The following SETBP1 variants were observed in gnomAD, a reference collection of about 807,000 sequenced individuals.
SETBP1 encodes the protein SET-binding protein.
Under a neutral mutation model 101.0 loss-of-function variants are expected in SETBP1, and 9 were observed. That is an observed-to-expected ratio of 0.09 (90% CI 0.05 to 0.16). The LOEUF (loss-of-function observed/expected upper bound fraction) is 0.16. Among genes scored for constraint, SETBP1 ranks in the 10% least tolerant of loss-of-function variants. The pLI is 1.00. For missense variants in SETBP1, 1,858 were observed against 2,033.8 expected (o/e 0.91, Z 1.66); for synonymous variants, 818 against 788.5 (o/e 1.04, Z -0.63).
intron 2 of SETBP1, among the ~76,000 whole-genome samples, chr18:44,812,139 A>G (rs1452853207): frequency 2.0e-5 from 3 of 152,080 alleles, no homozygotes; most frequent in African/African-American, 4.8e-5. Flanking sequence ...GGAGAGCTGC[A>G]TGTAAGTCTC....
intron 5 of SETBP1, among the ~76,000 whole-genome samples, chr18:45,051,931 T>C (rs2073729089): frequency 6.6e-6 from 1 of 152,220 alleles, no homozygotes; most frequent in Non-Finnish European, 1.5e-5. Flanking sequence ...CCTAATTTAA[T>C]TGACAGTGAT....
At chr18:44,768,169 TTGG>T (rs1450763635) in intron 2 of SETBP1, among the ~76,000 whole-genome samples, 1 of 152,178 alleles carries the variant, frequency 6.6e-6, no homozygotes, top group African/African-American at 2.4e-5. Context: ...AAGGTGTGAT[TTGG>T]GAGGTTTTGA....
chr18:44,952,419 G>A lies in SETBP1; in HGVS notation c.3079G>A (p.Asp1027Asn), dbSNP rs1383834707. ...KKRGRPAKTNDTMTKVPFLQG... is the reference protein window; with the variant it reads ...KKRGRPAKTNNTMTKVPFLQG... ...GCGTGGTAGGCCTGCAAAAACCAAT[G>A]ACACCATGACAAAGGTGCCTTTTTT... Residue 1027 changes from aspartate (D) to asparagine (N), a missense_variant, in exon 4 of 6, where the codon GAC becomes AAC. This residue lies in a region of SETBP1 where 255 missense variants were observed against 300.1 expected (regional missense o/e 0.85). Coordinates refer to ENST00000649279, the MANE Select transcript of SETBP1 (RefSeq NM_015559.3). 6.2e-7 allele frequency: 1 copy of A among 1,614,072 alleles called. No individual in the cohort carries two copies. The highest frequency in any genetic ancestry group is 1.3e-5 in the African/African-American group (1 of 75,006).
chr18:44,764,073 T>G (rs2070714257), intron 2 of SETBP1, among the ~76,000 whole-genome samples: 1 of 152,264 alleles, frequency 6.6e-6, no homozygotes, highest in South Asian at 2.1e-4. Context: ...ATCAGTCAAA[T>G]TAGGATGCTC....
chr18:44,898,052 G>A (rs2069949873), intron 3 of SETBP1, among the ~76,000 whole-genome samples: 1 of 152,154 alleles, frequency 6.6e-6, no homozygotes, highest in Admixed American at 6.5e-5. Flanking sequence ...TCTGAGGAAT[G>A]GAAACCCTGA....
chr18:44,976,714 G>A (rs991497932), intron 4 of SETBP1, among the ~76,000 whole-genome samples: 3 of 152,178 alleles, frequency 2.0e-5, no homozygotes, highest in Admixed American at 2.0e-4. Flanking sequence ...TGGATGATAT[G>A]GGTGAGTTAT....
At chr18:44,764,694 C>A (rs1004622417) in intron 2 of SETBP1, among the ~76,000 whole-genome samples, 2 of 152,056 alleles carry the variant, frequency 1.3e-5, no homozygotes. Context: ...AGGATGGCCT[C>A]GCTCCCTGAC....
At chr18:44,899,975 A>G (rs1358393001) in intron 3 of SETBP1, among the ~76,000 whole-genome samples, 3 of 152,220 alleles carry the variant, frequency 2.0e-5, no homozygotes, top group Non-Finnish European at 2.9e-5. Flanking sequence ...TTGCAATGAC[A>G]CAACCCTGCC....
At chr18:45,017,462 G>T (rs1048234625) in intron 4 of SETBP1, among the ~76,000 whole-genome samples, 1 of 152,224 alleles carries the variant, frequency 6.6e-6, no homozygotes, top group Non-Finnish European at 1.5e-5. Context: ...TGTGCCCACT[G>T]TGAACACTTA....
intron 2 of SETBP1, among the ~76,000 whole-genome samples, chr18:44,845,033 TTTG>T (rs1191535974): frequency 3.9e-5 from 6 of 152,126 alleles, no homozygotes; most frequent in Admixed American, 1.3e-4. Flanking sequence ...AGGAAGAGTT[TTTG>T]TTGTTGTTGT....
At chr18:45,038,451 A>G (rs1295859166) in intron 4 of SETBP1, 34 bp from the exon 5 acceptor site, 27 of 1,608,486 alleles carry the variant, frequency 1.7e-5, no homozygotes, top group Non-Finnish European at 2.3e-5. Flanking sequence ...GTTCCCTTAA[A>G]GTGACTGAAA....
chr18:44,976,113 C>G (rs1599399685), intron 4 of SETBP1, among the ~76,000 whole-genome samples: 1 of 140,324 alleles, frequency 7.1e-6, no homozygotes, highest in African/African-American at 2.6e-5. Flanking sequence ...CACACACACA[C>G]ACAGACTCAT....
intron 1 of SETBP1, among the ~76,000 whole-genome samples, chr18:44,686,707 A>G (rs1216838914): frequency 1.3e-5 from 2 of 152,230 alleles, no homozygotes; most frequent in African/African-American, 2.4e-5. Context: ...ACTCTGCATT[A>G]TGAAGCAACA....
At chr18:44,957,449 G>C (rs944674516) in intron 4 of SETBP1, among the ~76,000 whole-genome samples, 3 of 152,048 alleles carry the variant, frequency 2.0e-5, no homozygotes, top group Non-Finnish European at 4.4e-5. Context: ...TTGTTAAGAA[G>C]GTAGCCATCC....
At chr18:44,949,738 T>A (rs1410928956) in intron 3 of SETBP1, 143 bp from the exon 4 acceptor site, 1 of 708,518 alleles carries the variant, frequency 1.4e-6, no homozygotes, top group African/African-American at 1.8e-5. Context: ...CATTCTAAAA[T>A]TAAAGGTGGC....
chr18:44,748,367 G>A lies in SETBP1; in HGVS notation c.486+46535G>A, dbSNP rs189364662. ...AGACATGTAGGCCTAGAGAGGCAAAGAAAATAAGGAGAGCAAACAAGAACA... is the reference window on the plus strand; with the variant it reads ...AGACATGTAGGCCTAGAGAGGCAAAAAAAATAAGGAGAGCAAACAAGAACA... On this transcript the variant is annotated intron_variant, in intron 2 of 5. Coordinates refer to ENST00000649279, the MANE Select transcript of SETBP1 (RefSeq NM_015559.3). Among the ~76,000 whole-genome samples, 60 of 152,332 alleles carry A rather than the reference G, an allele frequency of 3.9e-4. 1 individual carries two copies. Among genetic ancestry groups the A allele is most frequent in the Admixed American group, 1.6e-3 (25 of 15,300 alleles).
chr18:44,823,800 T>C (rs573046942), intron 2 of SETBP1, among the ~76,000 whole-genome samples: 1 of 152,316 alleles, frequency 6.6e-6, no homozygotes, highest in Admixed American at 6.5e-5. Flanking sequence ...AAATAAGAAA[T>C]GATTTTACTC....
chr18:44,956,209 C>T lies in SETBP1; in HGVS notation c.4000+2869C>T, dbSNP rs77982495. Among the ~76,000 whole-genome samples the T allele has an allele frequency of 5.0e-3, 768 of 152,170 alleles. 7 individuals are homozygous for T. The highest frequency in any genetic ancestry group is 0.018 in the African/African-American group (739 of 41,500). On this transcript the variant is annotated intron_variant, in intron 4 of 5. Coordinates refer to ENST00000649279, the MANE Select transcript of SETBP1 (RefSeq NM_015559.3). Reference sequence around the variant, plus strand: ...CCCCTTATTCCCCTCCCTTCCAAGCCTTAGCCTCTCATTGCTTATATCTCG... The same window carrying T: ...CCCCTTATTCCCCTCCCTTCCAAGCTTTAGCCTCTCATTGCTTATATCTCG...
intron 3 of SETBP1, among the ~76,000 whole-genome samples, chr18:44,879,762 A>G (rs951958649): frequency 7.9e-5 from 12 of 152,194 alleles, no homozygotes; most frequent in African/African-American, 2.9e-4. Flanking sequence ...ACTGATGAGA[A>G]CAGGCTAAAG....
Sources: allele counts gnomAD v4.1 joint callset (sites outside exome capture counted in the v4.1 genomes callset), GRCh38; gene constraint gnomAD v4.1.1; regional missense constraint gnomAD v4.1.1; transcripts MANE v1.5; gene names NCBI Gene and HGNC (gene_info 2026-07-23, HGNC 2026-07-21).